Variants in COMMD10 observed in about 807,000 individuals in gnomAD.
COMMD10 encodes COMM domain containing 10, also known as COMM domain-containing protein 10.
A neutral mutation model predicts 28.9 loss-of-function variants in COMMD10; 33 were observed. The ratio of observed to expected loss-of-function variants is 1.14; its 90% CI spans 0.87 to 1.53. The LOEUF (loss-of-function observed/expected upper bound fraction) is 1.53. Among genes scored for constraint, COMMD10 ranks in the 40% most tolerant of loss-of-function variants. The pLI, the probability that COMMD10 is intolerant of heterozygous loss-of-function variation, is 0.00. For synonymous variants in COMMD10, 110 were observed against 81.7 expected, an observed-to-expected ratio of 1.35 and a Z score of -1.87; for missense variants, 310 against 233.4, an observed-to-expected ratio of 1.33 and a Z score of -2.14.
At chr5:116,143,374 A>C (rs1243124648) in intron 5 of COMMD10, among the ~76,000 whole-genome samples, 1 of 151,746 alleles carries the variant, frequency 6.6e-6, no homozygotes, top group Non-Finnish European at 1.5e-5. Context: ...TATGTGGAGA[A>C]AATGATAATA....
chr5:116,230,579 C>G (rs912207901), intron 5 of COMMD10, among the ~76,000 whole-genome samples: 2 of 151,910 alleles, frequency 1.3e-5, no homozygotes, highest in African/African-American at 4.8e-5. Flanking sequence ...TTATTTCTCA[C>G]AATAAATAAA....
At chr5:116,272,109 C>T (rs1389310066) in intron 5 of COMMD10, among the ~76,000 whole-genome samples, 1 of 151,864 alleles carries the variant, frequency 6.6e-6, no homozygotes, top group African/African-American at 2.4e-5. Context: ...TCAACATAGG[C>T]TCCATTAAGG....
intron 5 of COMMD10, among the ~76,000 whole-genome samples, chr5:116,166,730 C>T (rs1339552159): frequency 6.6e-6 from 1 of 152,170 alleles, no homozygotes; most frequent in Non-Finnish European, 1.5e-5. Flanking sequence ...CAGCAAACTC[C>T]AGCAGACTTG....
intron 5 of COMMD10, among the ~76,000 whole-genome samples, chr5:116,203,446 A>C (rs1748726388): frequency 6.6e-6 from 1 of 152,070 alleles, no homozygotes; most frequent in African/African-American, 2.4e-5. Flanking sequence ...TGTCACATTC[A>C]CCAAAGTTGC....
chr5:116,108,856 G>T (rs1215211159), intron 4 of COMMD10, among the ~76,000 whole-genome samples: 1 of 152,202 alleles, frequency 6.6e-6, no homozygotes, highest in Non-Finnish European at 1.5e-5. Context: ...TGGTCTGCAG[G>T]TTGTGAAGAC....
chr5:116,085,140 CA>C lies in COMMD10; in HGVS notation c.41+48del, dbSNP rs748135375. On this transcript the variant is annotated intron_variant, in intron 1 of 6. Coordinates refer to ENST00000274458, the MANE Select transcript of COMMD10 (RefSeq NM_016144.4). ...TGCGGTAGCCGCGCCCAGGAAGGCCCAGATCGGGCTCGCACAAGGCTGTCCT... is the reference window on the plus strand; with the variant it reads ...TGCGGTAGCCGCGCCCAGGAAGGCCCGATCGGGCTCGCACAAGGCTGTCCT... The C allele has an allele frequency of 2.5e-6, 4 of 1,574,842 alleles. No individual in the cohort carries two copies. The Admixed American group carries it at 7.2e-5, about 28-fold the overall frequency.
chr5:116,208,026 G>C (rs1052969619), intron 5 of COMMD10, among the ~76,000 whole-genome samples: 1 of 152,074 alleles, frequency 6.6e-6, no homozygotes, highest in African/African-American at 2.4e-5. Context: ...TGCAATGCCT[G>C]GGTTCTGTTC....
intron 5 of COMMD10, among the ~76,000 whole-genome samples, chr5:116,155,575 A>G (rs925872957): frequency 2.0e-5 from 3 of 152,110 alleles, no homozygotes; most frequent in Admixed American, 6.6e-5. Flanking sequence ...AAAAGAGAGG[A>G]TAGTATAGAT....
At chr5:116,159,711 G>A (rs142817755) in intron 5 of COMMD10, among the ~76,000 whole-genome samples, 1 of 152,244 alleles carries the variant, frequency 6.6e-6, no homozygotes, top group East Asian at 1.9e-4. Context: ...AGATGCATGG[G>A]GTTGATATTG....
At chr5:116,215,769 AAAT>A (rs1273366583) in intron 5 of COMMD10, among the ~76,000 whole-genome samples, 1 of 148,752 alleles carries the variant, frequency 6.7e-6, no homozygotes, top group Non-Finnish European at 1.5e-5. Flanking sequence ...CTTTATTTAA[AAAT>A]AAATAGCATT....
chr5:116,245,020 A>G (rs1365061092), intron 5 of COMMD10, among the ~76,000 whole-genome samples: 2 of 147,622 alleles, frequency 1.4e-5, no homozygotes, highest in African/African-American at 4.9e-5. Flanking sequence ...AAGAAAAATC[A>G]TTCAAAACAT....
intron 5 of COMMD10, among the ~76,000 whole-genome samples, chr5:116,269,675 A>T (rs1750702732): frequency 6.6e-6 from 1 of 151,818 alleles, no homozygotes; most frequent in Non-Finnish European, 1.5e-5. Flanking sequence ...GCCTCTTCTT[A>T]AGTTTCCCTT....
At chr5:116,254,705 T>A (rs376809788) in intron 5 of COMMD10, among the ~76,000 whole-genome samples, 2 of 151,848 alleles carry the variant, frequency 1.3e-5, no homozygotes, top group East Asian at 3.9e-4. Flanking sequence ...GCTGAGGAGA[T>A]CTTTACTTCC....
rs529162061 is a variant in COMMD10 at position 116,127,090 on chromosome 5, A to G, written c.400-6978A>G. ...GAACAAATTTACAAGAGAAAATCAA[A>G]CAACCCCATCAAAAAGTGGGCAAAG... On this transcript the variant is annotated intron_variant, in intron 4 of 6. Transcript: ENST00000274458. Among the ~76,000 whole-genome samples the G allele has an allele frequency of 3.3e-5, 5 of 152,318 alleles. No individual in the cohort carries two copies. In the South Asian group the frequency reaches 8.3e-4, roughly 25 times the overall value.
chr5:116,116,375 GT>G (rs1751234205), intron 4 of COMMD10, among the ~76,000 whole-genome samples: 1 of 152,004 alleles, frequency 6.6e-6, no homozygotes, highest in African/African-American at 2.4e-5. Flanking sequence ...GAATGGCTTT[GT>G]CCTAAAGAGG....
At chr5:116,110,552 T>C (rs1462447330) in intron 4 of COMMD10, among the ~76,000 whole-genome samples, 2 of 152,240 alleles carry the variant, frequency 1.3e-5, no homozygotes, top group East Asian at 3.8e-4. Flanking sequence ...ATTATTGGTC[T>C]ATTCAGGCTT....
At chr5:116,126,913 A>T (rs1025917288) in intron 4 of COMMD10, among the ~76,000 whole-genome samples, 1 of 152,256 alleles carries the variant, frequency 6.6e-6, no homozygotes, top group Non-Finnish European at 1.5e-5. Context: ...ACAAAAGCCA[A>T]AATTGACTGA....
chr5:116,149,927 T>C (rs1752464133), intron 5 of COMMD10, among the ~76,000 whole-genome samples: 1 of 152,062 alleles, frequency 6.6e-6, no homozygotes, highest in African/African-American at 2.4e-5. Context: ...ATGAAGTCGT[T>C]GCCCATGCCT....
chr5:116,236,918 CTT>C (rs764555749), intron 5 of COMMD10, among the ~76,000 whole-genome samples: 7 of 151,972 alleles, frequency 4.6e-5, no homozygotes, highest in Admixed American at 6.6e-5. Flanking sequence ...ATTTTTATAT[CTT>C]CCTCTCAATT....
Sources: gnomAD v4.1 joint callset for allele counts (sites outside exome capture counted in the v4.1 genomes callset) on GRCh38, gnomAD v4.1.1 for gene constraint, MANE v1.5 for transcripts, NCBI Gene and HGNC (gene_info 2026-07-23, HGNC 2026-07-21) for gene names.